Variants in ENDOD1 observed in about 807,000 individuals in gnomAD.
ENDOD1 encodes endonuclease domain containing 1.
A neutral mutation model predicts 6.5 loss-of-function variants in ENDOD1; 9 were observed. The observed-to-expected ratio is 1.39, with a 90% CI of 0.84 to 2.43. The LOEUF (loss-of-function observed/expected upper bound fraction) is 2.43. Among genes scored for constraint, ENDOD1 ranks in the 30% most tolerant of loss-of-function variants. The probability of loss-of-function intolerance (pLI) is 0.00; values close to 1 mark genes in which losing one functional copy is unlikely to be tolerated. For missense variants in ENDOD1, 648 were observed against 635.5 expected, an observed-to-expected ratio of 1.02 and a Z score of -0.21; for synonymous variants, 255 against 255.2, an observed-to-expected ratio of 1.00 and a Z score of 0.01.
rs572379821 is a variant in ENDOD1, at chr11:95,103,168, C to G, written c.300+12941C>G. Among the ~76,000 whole-genome samples the G allele has an allele frequency of 3.3e-5, 5 of 150,334 alleles. No homozygotes were observed. In the South Asian group the frequency reaches 1.1e-3, roughly 32 times the overall value. On this transcript the variant is annotated intron_variant, in intron 1 of 1. Transcript: ENST00000278505. ...TCTCAGTGAGTCTAACCATTCATTT[C>G]TACAATAAATGTGGTCACAACCAAT...
At chr11:95,093,974 C>A (rs1437186277) in intron 1 of ENDOD1, among the ~76,000 whole-genome samples, 1 of 152,038 alleles carries the variant, frequency 6.6e-6, no homozygotes, top group Non-Finnish European at 1.5e-5. Flanking sequence ...AGCCTCAAAC[C>A]TTTTAGTTTG....
At chr11:95,114,731 C>T (rs1555112310) in intron 1 of ENDOD1, among the ~76,000 whole-genome samples, 1 of 152,120 alleles carries the variant, frequency 6.6e-6, no homozygotes, top group Non-Finnish European at 1.5e-5. Context: ...GTTTTCCTGG[C>T]CCCATTTATT....
At position 95,107,974 on chromosome 11, in the gene ENDOD1, G is replaced by A. The variant is rs1158128525; in HGVS notation, c.300+17747G>A. 6.4e-4 allele frequency among the ~76,000 whole-genome samples: 98 copies of A among 152,096 alleles called. 1 individual carries two copies. On this transcript the variant is annotated intron_variant, in intron 1 of 1. Transcript: ENST00000278505. Reference sequence around the variant, plus strand: ...GAGCCACCGCGCCCGGCCGGAGTCCGCACATTTTCTTAGGCTCCCTGGAGG... The same window carrying A: ...GAGCCACCGCGCCCGGCCGGAGTCCACACATTTTCTTAGGCTCCCTGGAGG...
chr11:95,098,696 G>GT (rs797035485), intron 1 of ENDOD1, among the ~76,000 whole-genome samples: 95 of 147,990 alleles, frequency 6.4e-4, no homozygotes, highest in East Asian at 1.6e-3. Context: ...CTTTTCTAGT[G>GT]TTTTTTTTTT....
At chr11:95,117,267 G>T (rs782166885) in intron 1 of ENDOD1, among the ~76,000 whole-genome samples, 3 of 152,214 alleles carry the variant, frequency 2.0e-5, no homozygotes, top group Non-Finnish European at 4.4e-5. Flanking sequence ...AAATTAGCCA[G>T]GTGTGGTGGC....
chr11:95,100,835 T>G (rs2134163484), intron 1 of ENDOD1, among the ~76,000 whole-genome samples: 1 of 142,850 alleles, frequency 7.0e-6, no homozygotes, highest in African/African-American at 2.6e-5. Flanking sequence ...CCATGTTCTC[T>G]CCTATCATAG....
chr11:95,107,818 G>A (rs1859104967), intron 1 of ENDOD1, among the ~76,000 whole-genome samples: 1 of 152,112 alleles, frequency 6.6e-6, no homozygotes, highest in Non-Finnish European at 1.5e-5. Context: ...GCGCCACTCC[G>A]CCCGGCTAAT....
At chr11:95,122,613 C>CACACACACAT (rs1859272846) in intron 1 of ENDOD1, among the ~76,000 whole-genome samples, 2 of 151,390 alleles carry the variant, frequency 1.3e-5, no homozygotes, top group African/African-American at 4.8e-5. Flanking sequence ...CACACACACA[C>CACACACACAT]ACACACACAC....
chr11:95,128,189 T>C (rs1048780428), intron 1 of ENDOD1, among the ~76,000 whole-genome samples, 188 bp from the exon 2 acceptor site: 3 of 152,198 alleles, frequency 2.0e-5, no homozygotes, highest in Admixed American at 2.0e-4. Flanking sequence ...TGAAAGATGC[T>C]TTGAAACACC....
intron 1 of ENDOD1, among the ~76,000 whole-genome samples, chr11:95,108,674 T>C (rs573072910): frequency 7.3e-4 from 111 of 152,298 alleles, no homozygotes; most frequent in African/African-American, 2.6e-3. Context: ...CTTTCTTTCC[T>C]GAGAGCTGAA....
chr11:95,113,532 A>G lies in ENDOD1; in HGVS notation c.301-14845A>G, dbSNP rs1043543037. ...TTCTGTGGCTGGCTTATTTCACTTA[A>G]TGTAATGACCACCAGTTCCATCTAT... is the stretch of plus-strand genomic sequence containing the variant. On this transcript the variant is annotated intron_variant, in intron 1 of 1. Coordinates refer to ENST00000278505, the MANE Select transcript of ENDOD1 (RefSeq NM_015036.3). 4.6e-5 allele frequency among the ~76,000 whole-genome samples: 7 copies of G among 152,194 alleles called. No homozygotes were observed. The East Asian group carries it at 5.8e-4, about 13-fold the overall frequency.
At chr11:95,111,719 T>G (rs1555111963) in intron 1 of ENDOD1, among the ~76,000 whole-genome samples, 2 of 152,112 alleles carry the variant, frequency 1.3e-5, no homozygotes, top group African/African-American at 4.8e-5. Flanking sequence ...TAAATATAGA[T>G]GAAACTTCGC....
chr11:95,118,571 T>C (rs1490731781), intron 1 of ENDOD1, among the ~76,000 whole-genome samples: 1 of 152,254 alleles, frequency 6.6e-6, no homozygotes, highest in Non-Finnish European at 1.5e-5. Context: ...GTTTCTTTTC[T>C]GTTGCTGCTT....
rs782053045 is a variant in ENDOD1 at position 95,090,144 on chromosome 11, G to A, written c.217G>A (p.Asp73Asn). The A allele has an allele frequency of 3.9e-6, 6 of 1,521,620 alleles. No individual in the cohort carries two copies. Among genetic ancestry groups the A allele is most frequent in the East Asian group, 5.4e-5 (2 of 36,942 alleles). 94.3% of individuals were successfully genotyped at this position (1,521,620 alleles called of 1,614,324 possible). Residue 73 changes from aspartate (D) to asparagine (N), a missense_variant, in exon 1 of 2, where the codon GAC (aspartate) becomes AAC (asparagine). Transcript: ENST00000278505. Reference sequence around the variant, plus strand: ...CTTCGCCACCCTCTACAGCACCCGGGACCGCATCCCCGTGTACTCCGCGTT... The same window carrying A: ...CTTCGCCACCCTCTACAGCACCCGGAACCGCATCCCCGTGTACTCCGCGTT... Reference protein sequence around the residue: ...ERFATLYSTRDRIPVYSAFRA... With the variant: ...ERFATLYSTRNRIPVYSAFRA...
chr11:95,091,232 C>T (rs552006007), intron 1 of ENDOD1, among the ~76,000 whole-genome samples: 10 of 152,328 alleles, frequency 6.6e-5, no homozygotes, highest in African/African-American at 1.9e-4. Flanking sequence ...ACTGACCCAA[C>T]GCTCTCCCTT....
intron 1 of ENDOD1, among the ~76,000 whole-genome samples, chr11:95,122,164 A>T (rs967535794): frequency 3.9e-5 from 6 of 151,930 alleles, no homozygotes; most frequent in Non-Finnish European, 1.5e-5. Context: ...GTGACAATGT[A>T]TCAAAGAATA....
At chr11:95,123,828 T>C (rs1003018059) in intron 1 of ENDOD1, among the ~76,000 whole-genome samples, 1 of 152,198 alleles carries the variant, frequency 6.6e-6, no homozygotes, top group Non-Finnish European at 1.5e-5. Flanking sequence ...TTTGCTCTTC[T>C]TTCTCCATGT....
chr11:95,102,167 T>C (rs1859046813), intron 1 of ENDOD1, among the ~76,000 whole-genome samples: 1 of 152,162 alleles, frequency 6.6e-6, no homozygotes, highest in African/African-American at 2.4e-5. Context: ...GATCTCCACA[T>C]TTCTAATCTG....
intron 1 of ENDOD1, among the ~76,000 whole-genome samples, chr11:95,123,748 C>T (rs899878615): frequency 3.3e-5 from 5 of 152,130 alleles, no homozygotes; most frequent in African/African-American, 7.2e-5. Context: ...AATTCCTTTC[C>T]TCACACTGCA....
Sources: allele counts gnomAD v4.1 joint callset (sites outside exome capture counted in the v4.1 genomes callset), GRCh38; gene constraint gnomAD v4.1.1; transcripts MANE v1.5; gene names NCBI Gene and HGNC (gene_info 2026-07-23, HGNC 2026-07-21).